STON2: variants seen among roughly 807,000 people sequenced by gnomAD.
STON2 encodes stonin-2.
Under a neutral mutation model 65.7 loss-of-function variants are expected in STON2, and 29 were observed. The observed-to-expected ratio is 0.44, with a 90% CI of 0.33 to 0.60. The LOEUF (loss-of-function observed/expected upper bound fraction) is 0.60, where lower values mean the gene tolerates loss of function less well. Among genes scored for constraint, STON2 ranks in the 20% least tolerant of loss-of-function variants. The pLI, the probability that STON2 is intolerant of heterozygous loss-of-function variation, is 0.03. For missense variants in STON2, 1,054 were observed against 1,118.1 expected, an observed-to-expected ratio of 0.94 and a Z score of 0.82; for synonymous variants, 404 against 414.2, an observed-to-expected ratio of 0.98 and a Z score of 0.30.
chr14:81,269,344 GATA>G, intron 7 of STON2: 3 of 985,376 alleles, frequency 3.0e-6, no homozygotes, highest in Non-Finnish European at 3.6e-6. Context: ...CCTCCGAACT[GATA>G]AATACTGGAA....
chr14:81,401,607 C>T (rs979155357), upstream of STON2, among the ~76,000 whole-genome samples: 1 of 152,154 alleles, frequency 6.6e-6, no homozygotes, highest in Non-Finnish European at 1.5e-5. Flanking sequence ...AAAAACCTCA[C>T]CCCATTTTTA....
intron 5 of STON2, among the ~76,000 whole-genome samples, chr14:81,282,948 C>T (rs1895184486): frequency 6.6e-6 from 1 of 152,166 alleles, no homozygotes; most frequent in South Asian, 2.1e-4. Context: ...AATTCTTCTC[C>T]ACAATTCAAT....
chr14:81,420,315 C>T (rs990319728), intron 2 of STON2, among the ~76,000 whole-genome samples: 1 of 152,122 alleles, frequency 6.6e-6, no homozygotes, highest in African/African-American at 2.4e-5. Flanking sequence ...ATGTCACATG[C>T]GTAGAATATA....
chr14:81,429,063 T>C (rs1488199025), intron 1 of STON2, among the ~76,000 whole-genome samples: 1 of 152,218 alleles, frequency 6.6e-6, no homozygotes, highest in Admixed American at 6.5e-5. Context: ...GGGAGAAGCC[T>C]GAAAGAGAAG....
intron 7 of STON2, 94 bp from the exon 8 acceptor site, chr14:81,268,591 T>C: frequency 7.9e-7 from 1 of 1,263,794 alleles, no homozygotes; most frequent in Non-Finnish European, 1.0e-6. Flanking sequence ...TACTTTGAAA[T>C]TTCTTATAAT....
At chr14:81,332,440 T>A (rs1897246468) in intron 4 of STON2, among the ~76,000 whole-genome samples, 2 of 152,326 alleles carry the variant, frequency 1.3e-5, no homozygotes, top group South Asian at 4.1e-4. Context: ...TTTTTAGATT[T>A]ATTTTACTTC....
chr14:81,435,688 T>C (rs1317042349), intron 1 of STON2, among the ~76,000 whole-genome samples: 1 of 150,668 alleles, frequency 6.6e-6, no homozygotes, highest in Admixed American at 6.6e-5. Context: ...CACGCACGAA[T>C]GCACACACAC....
chr14:81,349,292 CAA>C (rs1391330156), intron 4 of STON2, among the ~76,000 whole-genome samples: 3 of 151,898 alleles, frequency 2.0e-5, no homozygotes, highest in Non-Finnish European at 4.4e-5. Flanking sequence ...AATAATAGTG[CAA>C]AGAGTCAACC....
intron 2 of STON2, among the ~76,000 whole-genome samples, chr14:81,417,182 G>A (rs1901478470): frequency 6.6e-6 from 1 of 152,070 alleles, no homozygotes; most frequent in African/African-American, 2.4e-5. Flanking sequence ...CACTCCCACA[G>A]CACTGTGTTG....
intron 5 of STON2, among the ~76,000 whole-genome samples, chr14:81,312,053 T>A (rs1428675181): frequency 6.6e-6 from 1 of 152,240 alleles, no homozygotes; most frequent in African/African-American, 2.4e-5. Context: ...GTACGTAGCA[T>A]GTGTGCAGCA....
chr14:81,431,761 CA>C (rs1298300410), intron 1 of STON2, among the ~76,000 whole-genome samples: 1 of 147,946 alleles, frequency 6.8e-6, no homozygotes, highest in African/African-American at 2.5e-5. Context: ...TAGGCAACAA[CA>C]GCGAAACTCT....
chr14:81,268,429 C>T lies in STON2; in HGVS notation c.2853G>A (p.Glu951=). 1.6e-6 allele frequency: 2 copies of T among 1,289,650 alleles called. No homozygotes were observed. Among genetic ancestry groups the T allele is most frequent in the Non-Finnish European group, 2.0e-6 (2 of 988,714 alleles). The allele number at this position is 1,289,650 out of a possible 1,614,324, so 79.9% of individuals were successfully genotyped here. Residue 951 remains glutamate, a synonymous_variant, in exon 8 of 8, where the codon GAG becomes GAA. Transcript: ENST00000614646. ...CAAGGCTTTGTCACTGCACTCCACA[C>T]TCCTTGGGATTTTCCATTTCATCTC... ...FEGDEMENPK[E]CGVQ is the part of the protein sequence containing the mutation.
At chr14:81,298,389 C>A (rs530480196) in intron 5 of STON2, among the ~76,000 whole-genome samples, 1 of 144,500 alleles carries the variant, frequency 6.9e-6, no homozygotes, top group South Asian at 2.3e-4. Flanking sequence ...TAGCTCCAGG[C>A]CTCTAAAGCC....
intron 4 of STON2, among the ~76,000 whole-genome samples, chr14:81,367,404 T>C (rs1316985907): frequency 6.6e-6 from 1 of 152,134 alleles, no homozygotes; most frequent in Non-Finnish European, 1.5e-5. Flanking sequence ...CTCAAACTCC[T>C]AGCTTCAAGT....
chr14:81,277,273 C>A lies in STON2; in HGVS notation c.2209G>T (p.Val737Leu). 6.2e-7 allele frequency: 1 copy of A among 1,614,220 alleles called. No individual in the cohort carries two copies. The highest frequency in any genetic ancestry group is 1.7e-5 in the Admixed American group (1 of 60,026). Residue 737 changes from valine to leucine, a missense_variant, in exon 6 of 8, where the codon GTG (valine) becomes TTG (leucine). Val to Leu is a conservative substitution (Grantham distance 32, BLOSUM62 1). Transcript: ENST00000614646. Reference sequence around the variant, plus strand: ...AAAGGCAAGGTCTTCTCAGCAAACACTGTCCTGAACCGCATTAGCTCAAAC... The same window carrying A: ...AAAGGCAAGGTCTTCTCAGCAAACAATGTCCTGAACCGCATTAGCTCAAAC... Reference protein sequence around the residue: ...CRFELMRFRTVFAEKTLPFTL... With the variant: ...CRFELMRFRTLFAEKTLPFTL...
chr14:81,297,418 C>G (rs1158957212), intron 5 of STON2, among the ~76,000 whole-genome samples: 1 of 152,148 alleles, frequency 6.6e-6, no homozygotes, highest in East Asian at 1.9e-4. Flanking sequence ...TTAGTCTTAA[C>G]CACTCTGGTA....
chr14:81,349,072 C>G (rs1309247568), intron 4 of STON2, among the ~76,000 whole-genome samples: 1 of 152,074 alleles, frequency 6.6e-6, no homozygotes, highest in African/African-American at 2.4e-5. Context: ...CTATCTCTAT[C>G]CATATACAAA....
intron 3 of STON2, among the ~76,000 whole-genome samples, chr14:81,385,316 C>T (rs1899741833): frequency 6.6e-6 from 1 of 152,178 alleles, no homozygotes; most frequent in African/African-American, 2.4e-5. Flanking sequence ...CTTCACCATC[C>T]TCCGTGGCAT....
At chr14:81,405,048 T>C (rs371878981), upstream of STON2, among the ~76,000 whole-genome samples, 1 of 152,232 alleles carries the variant, frequency 6.6e-6, no homozygotes, top group Non-Finnish European at 1.5e-5. Flanking sequence ...CAACTGACTA[T>C]AGTGCATTTG....
Sources: allele counts gnomAD v4.1 joint callset (sites outside exome capture counted in the v4.1 genomes callset), GRCh38; gene constraint gnomAD v4.1.1; transcripts MANE v1.5; gene names NCBI Gene and HGNC (gene_info 2026-07-23, HGNC 2026-07-21).